Variants in LRP8 observed in about 807,000 individuals in gnomAD.
LRP8 encodes low-density lipoprotein receptor-related protein 8.
Under a neutral mutation model 111.6 loss-of-function variants are expected in LRP8, and 46 were observed. The observed-to-expected ratio is 0.41, with a 90% CI of 0.33 to 0.53. The LOEUF is 0.53. Among genes scored for constraint, LRP8 ranks in the 20% least tolerant of loss-of-function variants. The pLI is 0.20. For missense variants in LRP8, 959 were observed against 1,297.4 expected, an observed-to-expected ratio of 0.74 and a Z score of 4.01; for synonymous variants, 464 against 511.2, an observed-to-expected ratio of 0.91 and a Z score of 1.24.
intron 6 of LRP8, among the ~76,000 whole-genome samples, chr1:53,273,751 C>T (rs1326681613): frequency 6.6e-6 from 1 of 152,180 alleles, no homozygotes; most frequent in Non-Finnish European, 1.5e-5. Flanking sequence ...CACTCAACTA[C>T]TCTTCCTTTC....
In LRP8 at chr1:53,262,659, GT is replaced by G; in HGVS notation, c.1656-96del. ...CTCAATAACCCATTGACTAGTTGTG[GT>G]TTATGTTTAGTAGGGACTGAGAAGA... On this transcript the variant is annotated intron_variant, in intron 10 of 18. Coordinates refer to ENST00000306052, the MANE Select transcript of LRP8 (RefSeq NM_004631.5). This position sits in a 1 kb window ranked among gnomAD's most constrained non-coding sequence, Gnocchi z 4.8. 1 of 948,286 alleles carries G rather than the reference GT, an allele frequency of 1.1e-6. No individual in the cohort carries two copies. Among genetic ancestry groups the G allele is most frequent in the Non-Finnish European group, 1.7e-6 (1 of 587,148 alleles). The allele number at this position is 948,286 out of a possible 1,614,324, so 58.7% of individuals were successfully genotyped here. A position where few individuals can be genotyped will look rare whatever the true frequency, so the allele number is the denominator to read the frequency against.
At position 53,249,508 on chromosome 1, in the gene LRP8, C is replaced by T. The variant is rs1572415241; in HGVS notation, c.2725G>A (p.Glu909Lys). The T allele has an allele frequency of 6.2e-7, 1 of 1,613,214 alleles. No homozygotes were observed. The highest frequency in any genetic ancestry group is 8.5e-7 in the Non-Finnish European group (1 of 1,179,452). ...RPLWAEPCLG[E>K]TREPEDPAPA... ...GCTGGGTCTTCCGGTTCTCTGGTCT[C>T]CCCAAGACAGGGCTCTGCCCACAGT... Residue 909 changes from glutamate to lysine, a missense_variant, in exon 18 of 19, where the codon GAG (glutamate) becomes AAG (lysine). Glu to Lys is a moderately conservative substitution (Grantham distance 56, BLOSUM62 1). Transcript: ENST00000306052. This position sits in a 1 kb window ranked among gnomAD's most constrained non-coding sequence, Gnocchi z 4.1.
rs762025732 is a variant in LRP8, at chr1:53,277,059, G to T, written c.516C>A (p.Phe172Leu). The T allele has an allele frequency of 2.0e-5, 31 of 1,522,924 alleles. No individual in the cohort carries two copies. The African/African-American group carries it at 3.0e-4, about 14-fold the overall frequency. The allele number at this position is 1,522,924 out of a possible 1,614,324, so 94.3% of individuals were successfully genotyped here. A position where few individuals can be genotyped will look rare whatever the true frequency, so the allele number is the denominator to read the frequency against. The change falls in exon 5 of 19, where the codon TTC (phenylalanine) becomes TTA (leucine). Residue 172 changes from phenylalanine to leucine, a missense_variant. Physicochemically the swap from Phe to Leu is conservative, Grantham distance 22. Coordinates refer to ENST00000306052, the MANE Select transcript of LRP8 (RefSeq NM_004631.5). ...GCATLCAPHEFQCGNRSCLAA... is the reference protein window; with the variant it reads ...GCATLCAPHELQCGNRSCLAA... Reference sequence around the variant, plus strand: ...CCAGGCACGAGCGGTTGCCGCACTGGAACTCGTGCGGGGCGCACACTGCGC... The same window carrying T: ...CCAGGCACGAGCGGTTGCCGCACTGTAACTCGTGCGGGGCGCACACTGCGC...
rs146725753 is a variant in LRP8 at position 53,285,884 on chromosome 1, C to T, written c.367+3683G>A. On this transcript the variant is annotated intron_variant, in intron 3 of 18. Transcript: ENST00000306052. ...CACTGTCTCTCAGACAACAGGAACC[C>T]TCCAAAGCTGGCAAGGGGGCTTTTC... Among the ~76,000 whole-genome samples the T allele has an allele frequency of 1.7e-4, 26 of 152,304 alleles. No individual in the cohort carries two copies. The East Asian group carries it at 5.0e-3, about 29-fold the overall frequency.
Position 53,262,654 on chromosome 1 carries a change from T to C in LRP8, c.1656-90A>G. On this transcript the variant is annotated intron_variant, in intron 10 of 18. Transcript: ENST00000306052. This position sits in a 1 kb window ranked among gnomAD's most constrained non-coding sequence, Gnocchi z 4.8. ...AAGAGCTCAATAACCCATTGACTAG[T>C]TGTGGTTTATGTTTAGTAGGGACTG... 6 of 990,614 alleles carry C rather than the reference T, an allele frequency of 6.1e-6. No individual in the cohort carries two copies. The highest frequency in any genetic ancestry group is 1.6e-5 in the African/African-American group (1 of 63,304). The allele number at this position is 990,614 out of a possible 1,614,324, so 61.4% of individuals were successfully genotyped here. A position where few individuals can be genotyped will look rare whatever the true frequency, so the allele number is the denominator to read the frequency against.
chr1:53,248,504 C>T (rs1223526647), intron 18 of LRP8, among the ~76,000 whole-genome samples: 1 of 152,234 alleles, frequency 6.6e-6, no homozygotes, highest in Non-Finnish European at 1.5e-5. Flanking sequence ...TGTGTATATA[C>T]AGACTGGAGT....
In LRP8 at chr1:53,245,147, TG is replaced by T. The variant is rs1319175669; in HGVS notation, c.*1870del. On this transcript the variant is annotated 3_prime_UTR_variant, in exon 19 of 19. Transcript: ENST00000306052. ...CAGGATGCTAGAACTCCAGAATGTCTGACTGAAAATTCAAAGGGTATCAAGC... is the reference window on the plus strand; with the variant it reads ...CAGGATGCTAGAACTCCAGAATGTCTACTGAAAATTCAAAGGGTATCAAGC... 1 of 152,230 alleles carries T rather than the reference TG, an allele frequency of 6.6e-6. No individual in the cohort carries two copies. Among genetic ancestry groups the T allele is most frequent in the Non-Finnish European group, 1.5e-5 (1 of 68,044 alleles). 9.4% of individuals were successfully genotyped at this position (152,230 alleles called of 1,614,324 possible).
In LRP8 at chr1:53,328,016, CCCGCCGCCG is replaced by C. The variant is rs528801146; in HGVS notation, c.-113_-105del. The C allele has an allele frequency of 1.4e-3, 869 of 611,244 alleles. 1 individual carries two copies. The highest frequency in any genetic ancestry group is 1.6e-3 in the Non-Finnish European group (770 of 488,952). 37.9% of individuals were successfully genotyped at this position (611,244 alleles called of 1,614,324 possible). On this transcript the variant is annotated 5_prime_UTR_variant, in exon 1 of 19. Coordinates refer to ENST00000306052, the MANE Select transcript of LRP8 (RefSeq NM_004631.5). ...CCGCGGCGCCGGGGTTGCCGCTGCC[CCCGCCGCCG>C]CCGCCGCCGCCGCTGCCGCCCGCCC...
In LRP8 at chr1:53,264,356, C is replaced by A; in HGVS notation, c.1468G>T (p.Val490Phe). ...DKASDPKEQEVLIDEQLHSPE... is the reference protein window; with the variant it reads ...DKASDPKEQEFLIDEQLHSPE... ...GAGTGCAACTGCTCGTCAATGAGGA[C>A]CTCCTGCTCTTTCGGGTCACTGGCC... Residue 490 changes from valine (V) to phenylalanine (F), a missense_variant, in exon 10 of 19, where the codon GTC becomes TTC. Physicochemically the swap from Val to Phe is conservative, Grantham distance 50. Transcript: ENST00000306052. 7 of 1,614,096 alleles carry A rather than the reference C, an allele frequency of 4.3e-6. No individual in the cohort carries two copies. The highest frequency in any genetic ancestry group is 5.9e-6 in the Non-Finnish European group (7 of 1,179,980).
chr1:53,272,687 G>A (rs1646796906), intron 6 of LRP8: 6 of 1,289,108 alleles, frequency 4.7e-6, no homozygotes, highest in Non-Finnish European at 6.1e-6. Flanking sequence ...GGGGACCCAG[G>A]GATGACTCAG....
At chr1:53,322,681 G>A (rs971822817) in intron 2 of LRP8, among the ~76,000 whole-genome samples, 2 of 152,126 alleles carry the variant, frequency 1.3e-5, no homozygotes, top group Non-Finnish European at 2.9e-5. Flanking sequence ...GGTGAAGACG[G>A]GGAGGTTCAG....
At chr1:53,304,982 C>G (rs559418424) in intron 2 of LRP8, 5 of 152,414 alleles carry the variant, frequency 3.3e-5, no homozygotes, top group African/African-American at 1.2e-4. Flanking sequence ...CCCAGTAAGA[C>G]AGGTCCCACT....
intron 2 of LRP8, among the ~76,000 whole-genome samples, chr1:53,321,517 T>C (rs1654511149): frequency 6.6e-6 from 1 of 152,162 alleles, no homozygotes; most frequent in East Asian, 1.9e-4. Flanking sequence ...AGGGCGTGCC[T>C]GTTCCATCCG....
intron 2 of LRP8, among the ~76,000 whole-genome samples, chr1:53,323,116 A>G (rs1654726980): frequency 6.6e-6 from 1 of 152,126 alleles, no homozygotes; most frequent in Non-Finnish European, 1.5e-5. Context: ...ATGTCATCTC[A>G]AGACAGGGAA....
chr1:53,254,933 G>T (rs1263630010), intron 16 of LRP8, among the ~76,000 whole-genome samples, 184 bp downstream of exon 16: 1 of 152,138 alleles, frequency 6.6e-6, no homozygotes, highest in Non-Finnish European at 1.5e-5. Context: ...CTGGGGCCAG[G>T]TCCTGAAGAG....
chr1:53,320,838 C>G (rs1265238399), intron 2 of LRP8, among the ~76,000 whole-genome samples: 1 of 152,206 alleles, frequency 6.6e-6, no homozygotes, highest in Non-Finnish European at 1.5e-5. Context: ...GCCTCTGACC[C>G]CACCAGGGTA....
rs1655239161 is a variant in LRP8, at chr1:53,327,088, G to T, written c.125-96C>A. ...CCCGGAAGGACCCGCTGGGGAGGAGGAAAGGGGGCGATTATGGAGACCCCG... is the reference window on the plus strand; with the variant it reads ...CCCGGAAGGACCCGCTGGGGAGGAGTAAAGGGGGCGATTATGGAGACCCCG... On this transcript the variant is annotated intron_variant, in intron 1 of 18. Coordinates refer to ENST00000306052, the MANE Select transcript of LRP8 (RefSeq NM_004631.5). 2.0e-6 allele frequency: 3 copies of T among 1,526,032 alleles called. No homozygotes were observed. In the African/African-American group the frequency reaches 4.1e-5, roughly 21 times the overall value. 94.5% of individuals were successfully genotyped at this position (1,526,032 alleles called of 1,614,324 possible). A position where few individuals can be genotyped will look rare whatever the true frequency, so the allele number is the denominator to read the frequency against.
chr1:53,270,935 G>A, intron 8 of LRP8, 93 bp downstream of exon 8: 1 of 1,572,362 alleles, frequency 6.4e-7, no homozygotes, highest in Non-Finnish European at 8.7e-7. Flanking sequence ...TCTTGTGTGT[G>A]CGCACATGTA....
Position 53,275,574 on chromosome 1 carries a change from T to C in LRP8, c.1006+57A>G, listed in dbSNP as rs1376695352. 1.1e-5 allele frequency: 17 copies of C among 1,599,480 alleles called. No homozygotes were observed. The Admixed American group carries it at 2.4e-4, about 22-fold the overall frequency. ...CTCCCAACTCTGCCCTCTGGAGAGT[T>C]ACCAGAGCCTAGGGCATCCTCACAG... On this transcript the variant is annotated intron_variant, in intron 6 of 18. Transcript: ENST00000306052. This position sits in a 1 kb window ranked among gnomAD's most constrained non-coding sequence, Gnocchi z 4.4.
Sources: gnomAD v4.1 joint callset for allele counts (sites outside exome capture counted in the v4.1 genomes callset) on GRCh38, gnomAD v4.1.1 for gene constraint, Gnocchi (gnomAD v3.1) non-coding constraint, MANE v1.5 for transcripts, NCBI Gene and HGNC (gene_info 2026-07-23, HGNC 2026-07-21) for gene names.